Variants in IGDCC3 observed in about 807,000 individuals in gnomAD.
IGDCC3 encodes putative neuronal cell adhesion molecule.
Under a neutral mutation model 72.0 loss-of-function variants are expected in IGDCC3, and 47 were observed. That is an observed-to-expected ratio of 0.65 (90% CI 0.52 to 0.83). IGDCC3 has a LOEUF of 0.83. Ranked by LOEUF, IGDCC3 falls within the 40% of genes least tolerant of loss-of-function variation. IGDCC3 has a pLI of 0.00. For synonymous variants in IGDCC3, 477 were observed against 472.8 expected, an observed-to-expected ratio of 1.01 and a Z score of -0.11; for missense variants, 1,038 against 1,091.3, an observed-to-expected ratio of 0.95 and a Z score of 0.69.
At chr15:65,331,782 C>A (rs1198235484) in intron 7 of IGDCC3, 123 bp from the exon 8 acceptor site, 8 of 1,399,226 alleles carry the variant, frequency 5.7e-6, no homozygotes, top group Non-Finnish European at 7.7e-6. Flanking sequence ...GGTCTCCCAG[C>A]AAGTTGGTGG....
chr15:65,355,819 G>A, intron 2 of IGDCC3: 1 of 452,244 alleles, frequency 2.2e-6, no homozygotes, highest in Non-Finnish European at 4.4e-6. Context: ...ACGAGGGTTT[G>A]ATGTCGCTGG....
chr15:65,334,714 G>A lies in IGDCC3; in HGVS notation c.823+14C>T, dbSNP rs1160311700. 1 of 1,546,158 alleles carries A rather than the reference G, an allele frequency of 6.5e-7. No homozygotes were observed. The highest frequency in any genetic ancestry group is 8.7e-7 in the Non-Finnish European group (1 of 1,145,920). ...CAGGCTGGGAGGGGCAGGGGCTGTG[G>A]GGATGAGGCTCACCCAGGCGGCTCC... On this transcript the variant is annotated intron_variant, in intron 5 of 13. Coordinates refer to ENST00000327987, the MANE Select transcript of IGDCC3 (RefSeq NM_004884.4).
intron 2 of IGDCC3, among the ~76,000 whole-genome samples, chr15:65,345,514 A>G (rs558237901): frequency 2.7e-4 from 41 of 152,008 alleles, no homozygotes; most frequent in Non-Finnish European, 5.4e-4. Flanking sequence ...TGACTGTGCC[A>G]CTACACTCTA....
chr15:65,329,272 C>A lies in IGDCC3; in HGVS notation c.2205+118G>T. ...CTGACTCAGGGACACAAAGAGAAGA[C>A]CTGCAGTTTGACTAAGGCCAATGAT... On this transcript the variant is annotated intron_variant, in intron 13 of 13. Transcript: ENST00000327987. This position sits in a 1 kb window ranked among gnomAD's most constrained non-coding sequence, Gnocchi z 4.1. 6.7e-7 allele frequency: 1 copy of A among 1,485,206 alleles called. No homozygotes were observed. The highest frequency in any genetic ancestry group is 1.3e-5 in the South Asian group (1 of 75,818). The allele number at this position is 1,485,206 out of a possible 1,614,324, so 92.0% of individuals were successfully genotyped here. A position where few individuals can be genotyped will look rare whatever the true frequency, so the allele number is the denominator to read the frequency against.
intron 2 of IGDCC3, among the ~76,000 whole-genome samples, chr15:65,347,822 T>G (rs1026913353): frequency 2.0e-5 from 3 of 152,016 alleles, no homozygotes; most frequent in Non-Finnish European, 4.4e-5. Context: ...TCCCAGCCAC[T>G]TGGGAGGCTG....
intron 2 of IGDCC3, among the ~76,000 whole-genome samples, chr15:65,357,577 A>C (rs888153138): frequency 6.6e-6 from 1 of 152,254 alleles, no homozygotes; most frequent in Non-Finnish European, 1.5e-5. Flanking sequence ...GAGGGACCAA[A>C]CGAGCAGGAG....
chr15:65,328,830 C>T lies in IGDCC3; in HGVS notation c.*79G>A. On this transcript the variant is annotated 3_prime_UTR_variant, in exon 14 of 14. Transcript: ENST00000327987. ...GGAGCCCCCAGGACCATCCAAATCC[C>T]ACATGACAGTAGAAATCTTGCTTTT... is the stretch of plus-strand genomic sequence containing the variant. The T allele has an allele frequency of 1.4e-6, 2 of 1,478,030 alleles. No individual in the cohort carries two copies. The highest frequency in any genetic ancestry group is 1.4e-5 in the South Asian group (1 of 70,778). The allele number at this position is 1,478,030 out of a possible 1,614,324, so 91.6% of individuals were successfully genotyped here. A position where few individuals can be genotyped will look rare whatever the true frequency, so the allele number is the denominator to read the frequency against.
chr15:65,332,008 C>T lies in IGDCC3; in HGVS notation c.1081G>A (p.Val361Ile), dbSNP rs138476819. The change falls in exon 7 of 14, where the codon GTC becomes ATC. Residue 361 changes from valine to isoleucine, a missense_variant. Physicochemically the swap from Val to Ile is conservative, Grantham distance 29 (BLOSUM62 3). Coordinates refer to ENST00000327987, the MANE Select transcript of IGDCC3 (RefSeq NM_004884.4). ...CQAQGEPPPH[V>I]TWLKNGQVLG... ...ACCTGTCCATTTTTCAGCCACGTGA[C>T]ATGAGGCGGTGGCTCACCCTGGGCT... 1.9e-6 allele frequency: 3 copies of T among 1,614,098 alleles called. No individual in the cohort carries two copies. Among genetic ancestry groups the T allele is most frequent in the Admixed American group, 1.7e-5 (1 of 59,992 alleles).
At position 65,329,799 on chromosome 15, in the gene IGDCC3, C is replaced by T. The variant is rs1395831508; in HGVS notation, c.1924G>A (p.Val642Ile). The T allele has an allele frequency of 6.2e-6, 10 of 1,614,014 alleles. No homozygotes were observed. In the East Asian group the frequency reaches 6.7e-5, roughly 11 times the overall value. The change falls in exon 12 of 14, where the codon GTC (valine) becomes ATC (isoleucine). Residue 642 changes from valine to isoleucine, a missense_variant. Physicochemically the swap from Val to Ile is conservative, Grantham distance 29. Transcript: ENST00000327987. This position sits in a 1 kb window ranked among gnomAD's most constrained non-coding sequence, Gnocchi z 4.1. ...AANQTSTTGI[V>I]IGIHIGVTCI... is the part of the protein sequence containing the mutation. Reference sequence around the variant, plus strand: ...GTGACCCCGATGTGGATGCCGATGACGATGCCTGTGGTGGACGTCTGGTTG... The same window carrying T: ...GTGACCCCGATGTGGATGCCGATGATGATGCCTGTGGTGGACGTCTGGTTG...
intron 2 of IGDCC3, among the ~76,000 whole-genome samples, chr15:65,346,341 A>G (rs2091123695): frequency 6.6e-6 from 1 of 152,238 alleles, no homozygotes; most frequent in Admixed American, 6.5e-5. Flanking sequence ...CCTGTAGTCT[A>G]GCCCACTGGG....
rs1486904434 is a variant in IGDCC3, at chr15:65,332,084, A to T, written c.1005T>A (p.His335Gln). 1 of 1,613,674 alleles carries T rather than the reference A, an allele frequency of 6.2e-7. No homozygotes were observed. Among genetic ancestry groups the T allele is most frequent in the Non-Finnish European group, 8.5e-7 (1 of 1,179,904 alleles). Residue 335 changes from histidine (H) to glutamine (Q), a missense_variant, in exon 7 of 14, where the codon CAT becomes CAA. His to Gln is a conservative substitution (Grantham distance 24). Transcript: ENST00000327987. ...VVQAPAEFVQ[H>Q]PQSISRPAGT... ...CAGCTGGCCTGGAGATGGACTGGGG[A>T]TGCTGCACAAACTCAGCTGGGGCTG...
At chr15:65,336,009 G>C in intron 2 of IGDCC3, 53 bp from the exon 3 acceptor site, 1 of 1,590,696 alleles carries the variant, frequency 6.3e-7, no homozygotes, top group South Asian at 1.1e-5. Flanking sequence ...CAGAAGGTAG[G>C]AGAGAATGGG....
chr15:65,374,945 A>T, intron 2 of IGDCC3, 152 bp downstream of exon 2: 1 of 621,398 alleles, frequency 1.6e-6, no homozygotes, highest in Non-Finnish European at 2.8e-6. Context: ...GCCACGAATC[A>T]CTGCCAGGCA....
At chr15:65,343,123 G>C (rs768064387) in intron 2 of IGDCC3, among the ~76,000 whole-genome samples, 1 of 152,180 alleles carries the variant, frequency 6.6e-6, no homozygotes, top group African/African-American at 2.4e-5. Flanking sequence ...CACTGCAATA[G>C]GGGGATTCAA....
intron 5 of IGDCC3, 50 bp downstream of exon 5, chr15:65,334,678 A>AG (rs1160558957): frequency 2.0e-6 from 3 of 1,465,468 alleles, no homozygotes; most frequent in Non-Finnish European, 2.7e-6. Context: ...CGGCCCTCCC[A>AG]GGGGGTGGGA....
intron 2 of IGDCC3, among the ~76,000 whole-genome samples, chr15:65,366,654 C>A (rs2091289514): frequency 6.6e-6 from 1 of 152,306 alleles, no homozygotes; most frequent in Admixed American, 6.5e-5. Flanking sequence ...ACATTTCCTT[C>A]CTGCCTGAGT....
chr15:65,330,548 A>C lies in IGDCC3; in HGVS notation c.1753+2T>G. On this transcript the variant is annotated splice_donor_variant, in intron 10 of 13. Transcript: ENST00000327987. LOFTEE classifies it high-confidence loss of function. ...CTAGGCTCTGGGCTGTGTCTGCCTC[A>C]CCGAGCTGGCTGAGGTTGTAGGAGG... 2 of 1,612,644 alleles carry C rather than the reference A, an allele frequency of 1.2e-6. No homozygotes were observed. The highest frequency in any genetic ancestry group is 1.7e-6 in the Non-Finnish European group (2 of 1,179,560).
chr15:65,351,116 CTAAAGT>C (rs976398360), intron 2 of IGDCC3, among the ~76,000 whole-genome samples: 1 of 152,046 alleles, frequency 6.6e-6, no homozygotes, highest in Non-Finnish European at 1.5e-5. Context: ...AACATATTGG[CTAAAGT>C]TAAAGTCGTA....
At chr15:65,370,991 AGGTGGTG>A (rs140415730) in intron 2 of IGDCC3, among the ~76,000 whole-genome samples, 18,376 of 152,204 alleles carry the variant, frequency 0.12, 1,243 homozygotes, top group African/African-American at 0.17. Flanking sequence ...CACAGCTAGC[AGGTGGTG>A]GGGCCAAGGC....
Sources: gnomAD v4.1 joint callset for allele counts (sites outside exome capture counted in the v4.1 genomes callset) on GRCh38, gnomAD v4.1.1 for gene constraint, Gnocchi (gnomAD v3.1) non-coding constraint, MANE v1.5 for transcripts, NCBI Gene and HGNC (gene_info 2026-07-23, HGNC 2026-07-21) for gene names.